The following PITX3 variants were observed in gnomAD, a reference collection of about 807,000 sequenced individuals.
PITX3 encodes pituitary homeobox 3.
A neutral mutation model predicts 14.2 loss-of-function variants in PITX3; 4 were observed. The observed-to-expected ratio is 0.28, with a 90% CI of 0.14 to 0.65. The LOEUF (loss-of-function observed/expected upper bound fraction) is 0.65. Ranked by LOEUF, PITX3 falls within the 30% of genes least tolerant of loss-of-function variation. The pLI is 0.82. For synonymous variants in PITX3, 194 were observed against 204.5 expected, an observed-to-expected ratio of 0.95 and a Z score of 0.44; for missense variants, 358 against 426.8, an observed-to-expected ratio of 0.84 and a Z score of 1.42.
In PITX3 at chr10:102,232,042, G is replaced by A. The variant is rs1313105836; in HGVS notation, c.39C>T (p.Ser13=). ...FGLLSEAEAR[S]PALSLSDAGT... ...CAGCGTCTGACAGCGACAGGGCAGG[G>A]CTCCGGGCCTCTGCCTCGCTGAGCA... Residue 13 remains serine, a synonymous_variant, in exon 2 of 4, where the codon AGC becomes AGT. Coordinates refer to ENST00000370002, the MANE Select transcript of PITX3 (RefSeq NM_005029.4). 1 of 1,605,596 alleles carries A rather than the reference G, an allele frequency of 6.2e-7. No individual in the cohort carries two copies. Among genetic ancestry groups the A allele is most frequent in the Non-Finnish European group, 8.5e-7 (1 of 1,178,364 alleles).
chr10:102,231,939 A>C lies in PITX3; in HGVS notation c.118+24T>G, dbSNP rs548926374. The C allele has an allele frequency of 4.4e-6, 7 of 1,580,912 alleles. No individual in the cohort carries two copies. In the South Asian group the frequency reaches 6.6e-5, roughly 15 times the overall value. ...TGGGGATGAAGCTGTTATGTCCTGC[A>C]CCCCCGGAAGGGGGCGCGCTTACCG... On this transcript the variant is annotated intron_variant, in intron 2 of 3. Coordinates refer to ENST00000370002, the MANE Select transcript of PITX3 (RefSeq NM_005029.4).
intron 1 of PITX3, among the ~76,000 whole-genome samples, chr10:102,233,605 G>C (rs1000138388): frequency 6.6e-6 from 1 of 151,896 alleles, no homozygotes; most frequent in Non-Finnish European, 1.5e-5. Context: ...TGCCCAGCCT[G>C]TTTTGTTTAT....
chr10:102,240,914 C>G (rs1161157541), intron 1 of PITX3, among the ~76,000 whole-genome samples: 4 of 152,206 alleles, frequency 2.6e-5, no homozygotes, highest in Non-Finnish European at 5.9e-5. Flanking sequence ...CGAGGGGCAT[C>G]GGGCGCCGTC....
In PITX3 at chr10:102,232,013, G is replaced by C; in HGVS notation, c.68C>G (p.Thr23Ser). 1.9e-6 allele frequency: 3 copies of C among 1,609,990 alleles called. No homozygotes were observed. Among genetic ancestry groups the C allele is most frequent in the Non-Finnish European group, 2.5e-6 (3 of 1,179,578 alleles). Residue 23 changes from threonine (T) to serine (S), a missense_variant, in exon 2 of 4, where the codon ACT becomes AGT. Thr to Ser is a moderately conservative substitution (Grantham distance 58). Around this residue, in one of 3 missense-constraint regions of PITX3, gnomAD observed 72 missense variants for 79.9 expected, o/e 0.90. Coordinates refer to ENST00000370002, the MANE Select transcript of PITX3 (RefSeq NM_005029.4). Reference protein sequence around the residue: ...SPALSLSDAGTPHPQLPEHGC... With the variant: ...SPALSLSDAGSPHPQLPEHGC... ...GTGCTCTGGGAGCTGGGGGTGCGGA[G>C]TGCCAGCGTCTGACAGCGACAGGGC...
intron 1 of PITX3, among the ~76,000 whole-genome samples, chr10:102,240,728 A>G (rs2070512506): frequency 6.6e-6 from 1 of 152,226 alleles, no homozygotes. Flanking sequence ...AGACACCCCA[A>G]GCCAGATCCA....
intron 1 of PITX3, among the ~76,000 whole-genome samples, chr10:102,236,300 G>A (rs775196051): frequency 6.6e-6 from 1 of 152,350 alleles, no homozygotes; most frequent in East Asian, 1.9e-4. Context: ...TCTGGAAGCC[G>A]CAGGATTGGT....
intron 1 of PITX3, among the ~76,000 whole-genome samples, chr10:102,234,475 G>C (rs748359762): frequency 6.6e-6 from 1 of 152,134 alleles, no homozygotes. Context: ...CTTCCAGGTC[G>C]GGTCAGGTCA....
rs1590405116 is a variant in PITX3 at position 102,231,012 on chromosome 10, G to A, written c.411C>T (p.Leu137=). ...ELCKGSFAAP[L]GGLVPPYEEV... ...CCTCGTAGGGCGGCACCAGCCCCCC[G>A]AGCGGCGCCGCGAAGCTGCCTTTGC... Residue 137 remains leucine (L), a synonymous_variant, in exon 4 of 4, where the codon CTC becomes CTT. Transcript: ENST00000370002. 1 of 1,597,610 alleles carries A rather than the reference G, an allele frequency of 6.3e-7. No homozygotes were observed. Among genetic ancestry groups the A allele is most frequent in the Non-Finnish European group, 8.5e-7 (1 of 1,174,166 alleles).
Position 102,230,409 on chromosome 10 carries a change from C to T in PITX3, c.*105G>A. ...GGTGCCCCCCAGCTGCCCAAACACC[C>T]CTTTCAGACCCTGGGGCGGGAGCAA... On this transcript the variant is annotated 3_prime_UTR_variant, in exon 4 of 4. Transcript: ENST00000370002. 6.7e-7 allele frequency: 1 copy of T among 1,490,824 alleles called. No homozygotes were observed. The highest frequency in any genetic ancestry group is 1.3e-5 in the South Asian group (1 of 76,024). 92.3% of individuals were successfully genotyped at this position (1,490,824 alleles called of 1,614,324 possible). A position where few individuals can be genotyped will look rare whatever the true frequency, so the allele number is the denominator to read the frequency against.
At chr10:102,234,746 G>A (rs899493397) in intron 1 of PITX3, among the ~76,000 whole-genome samples, 4 of 152,120 alleles carry the variant, frequency 2.6e-5, no homozygotes. Flanking sequence ...ACCCAGAGAG[G>A]GGTTTACCTG....
rs751473385 is a variant in PITX3, at chr10:102,231,690, C to T, written c.219G>A (p.Gln73=). Residue 73 remains glutamine (Q), a synonymous_variant, in exon 3 of 4, where the codon CAG becomes CAA. Transcript: ENST00000370002. The part of the protein sequence containing the change: ...RRQRTHFTSQ[Q]LQELEATFQR... ...GGAAGGTCGCCTCTAGCTCCTGTAG[C>T]TGCTGGCTGGTGAAGTGCGTGCGCT... is the stretch of plus-strand genomic sequence containing the variant. 3 of 1,611,722 alleles carry T rather than the reference C, an allele frequency of 1.9e-6. No individual in the cohort carries two copies. The African/African-American group carries it at 4.0e-5, about 22-fold the overall frequency.
chr10:102,234,081 G>A (rs2070323277), intron 1 of PITX3, among the ~76,000 whole-genome samples: 1 of 152,202 alleles, frequency 6.6e-6, no homozygotes, highest in Non-Finnish European at 1.5e-5. Context: ...CCATTAACAG[G>A]GGCTTAATGC....
chr10:102,234,315 C>A (rs1196533145), intron 1 of PITX3, among the ~76,000 whole-genome samples: 1 of 152,110 alleles, frequency 6.6e-6, no homozygotes, highest in Non-Finnish European at 1.5e-5. Flanking sequence ...GAGGTCAAGG[C>A]AGGAGGTTGA....
rs149691625 is a variant in PITX3 at position 102,241,080 on chromosome 10, C to T, written c.-13+253G>A. 3.9e-3 allele frequency among the ~76,000 whole-genome samples: 598 copies of T among 152,264 alleles called. 3 individuals are homozygous for T. The highest frequency in any genetic ancestry group is 9.9e-3 in the Admixed American group (152 of 15,308). ...CTCCCTACTCCCTGCCTCGCGAAGC[C>T]CCTATCCTGGTTTCAAGTCTCCGGC... is the stretch of plus-strand genomic sequence containing the variant. On this transcript the variant is annotated intron_variant, in intron 1 of 3. Transcript: ENST00000370002. This position sits in a 1 kb window ranked among gnomAD's most constrained non-coding sequence, Gnocchi z 6.7.
At chr10:102,231,512 GA>G in intron 3 of PITX3, 75 bp downstream of exon 3, 1 of 997,224 alleles carries the variant, frequency 1.0e-6, no homozygotes, top group Non-Finnish European at 1.5e-6. Context: ...AGGTGGGGTG[GA>G]ACCGCTGGCC....
chr10:102,241,415 A>G lies in PITX3; in HGVS notation c.-95T>C, dbSNP rs1373059166. The G allele has an allele frequency of 6.6e-6, 1 of 151,664 alleles. No individual in the cohort carries two copies. Among genetic ancestry groups the G allele is most frequent in the African/African-American group, 2.4e-5 (1 of 40,960 alleles). 9.4% of individuals were successfully genotyped at this position (151,664 alleles called of 1,614,324 possible). On this transcript the variant is annotated 5_prime_UTR_variant, in exon 1 of 4. Coordinates refer to ENST00000370002, the MANE Select transcript of PITX3 (RefSeq NM_005029.4). The surrounding 1 kb of genome is among the most constrained non-coding windows in gnomAD (Gnocchi z 6.7). Reference sequence around the variant, plus strand: ...GGCAGGCAGGGGCCAGGGGCCGGGCACCCGGCCGGAGTGGGGGCCGCCCCC... The same window carrying G: ...GGCAGGCAGGGGCCAGGGGCCGGGCGCCCGGCCGGAGTGGGGGCCGCCCCC...
rs780326972 is a variant in PITX3 at position 102,231,742 on chromosome 10, C to T, written c.167G>A (p.Gly56Asp). The change falls in exon 3 of 4, where the codon GGT becomes GAT. Residue 56 changes from glycine to aspartate, a missense_variant. Gly to Asp is a moderately conservative substitution (Grantham distance 94, BLOSUM62 -1). Around this residue, in one of 3 missense-constraint regions of PITX3, gnomAD observed 72 missense variants for 79.9 expected, o/e 0.90. Coordinates refer to ENST00000370002, the MANE Select transcript of PITX3 (RefSeq NM_005029.4). ...CCGCCGCTGCTTCTTTTTCAGCGAACCGTCCTCTGGGGAGCCGCCGGGCAG... is the reference window on the plus strand; with the variant it reads ...CCGCCGCTGCTTCTTTTTCAGCGAATCGTCCTCTGGGGAGCCGCCGGGCAG... ...ASLPGGSPEDGSLKKKQRRQR... is the reference protein window; with the variant it reads ...ASLPGGSPEDDSLKKKQRRQR... The T allele has an allele frequency of 1.9e-6, 3 of 1,609,728 alleles. No homozygotes were observed. Among genetic ancestry groups the T allele is most frequent in the Non-Finnish European group, 1.7e-6 (2 of 1,178,576 alleles).
At chr10:102,235,862 A>C (rs1005392243) in intron 1 of PITX3, among the ~76,000 whole-genome samples, 3 of 152,222 alleles carry the variant, frequency 2.0e-5, no homozygotes, top group African/African-American at 7.2e-5. Flanking sequence ...TGTCCTGAGC[A>C]TAGGTGACCC....
At chr10:102,231,133 C>T (rs1049498567) in intron 3 of PITX3, 32 bp from the exon 4 acceptor site, 23 of 1,489,240 alleles carry the variant, frequency 1.5e-5, no homozygotes, top group East Asian at 7.3e-5. Flanking sequence ...GGTCAGGGCC[C>T]GGGGCCGGGT....
Sources: allele counts gnomAD v4.1 joint callset (sites outside exome capture counted in the v4.1 genomes callset), GRCh38; gene constraint gnomAD v4.1.1; regional missense constraint gnomAD v4.1.1; non-coding constraint Gnocchi (gnomAD v3.1); transcripts MANE v1.5; gene names NCBI Gene and HGNC (gene_info 2026-07-23, HGNC 2026-07-21).